The following STARD3NL variants were observed in gnomAD, a reference collection of about 807,000 sequenced individuals.
The protein encoded by STARD3NL is STARD3 N-terminal-like protein.
Under a neutral mutation model 30.9 loss-of-function variants are expected in STARD3NL, and 17 were observed. The ratio of observed to expected loss-of-function variants is 0.55; its 90% confidence interval spans 0.38 to 0.82. The LOEUF (loss-of-function observed/expected upper bound fraction) is 0.82, where lower values mean the gene tolerates loss of function less well. STARD3NL is among the 40% of genes least tolerant of loss of function. The pLI is 0.00. For missense variants in STARD3NL, 234 were observed against 277.6 expected (o/e 0.84, Z 1.12); for synonymous variants, 112 against 100.5 (o/e 1.11, Z -0.69).
intron 2 of STARD3NL, among the ~76,000 whole-genome samples, chr7:38,209,584 G>A (rs568946634): frequency 1.3e-5 from 2 of 152,036 alleles, no homozygotes; most frequent in African/African-American, 2.4e-5. Context: ...GCGCCTGGCC[G>A]GAAATGCATC....
At chr7:38,215,611 T>C (rs2116338910) in intron 4 of STARD3NL, 1 of 154,232 alleles carries the variant, frequency 6.5e-6, no homozygotes, top group African/African-American at 2.4e-5. Flanking sequence ...TTTTTACTCC[T>C]CTGTTTCCTG....
intron 7 of STARD3NL, among the ~76,000 whole-genome samples, chr7:38,226,046 G>A (rs1194194188): frequency 6.6e-6 from 1 of 151,952 alleles, no homozygotes; most frequent in African/African-American, 2.4e-5. Flanking sequence ...ATGTCTCTGA[G>A]CACTTCAACT....
intron 7 of STARD3NL, among the ~76,000 whole-genome samples, chr7:38,224,054 A>G (rs1399441852): frequency 6.6e-6 from 1 of 152,216 alleles, no homozygotes; most frequent in Admixed American, 6.5e-5. Context: ...ATGTAGTGAT[A>G]TGATACATGG....
At chr7:38,187,530 C>T (rs1301888417) in intron 1 of STARD3NL, among the ~76,000 whole-genome samples, 3 of 152,050 alleles carry the variant, frequency 2.0e-5, no homozygotes, top group African/African-American at 4.8e-5. Flanking sequence ...TACATTTTTT[C>T]GGTGCTCAAT....
intron 1 of STARD3NL, among the ~76,000 whole-genome samples, chr7:38,179,628 T>G (rs1187356982): frequency 6.6e-6 from 1 of 152,224 alleles, no homozygotes; most frequent in African/African-American, 2.4e-5. Context: ...GTGAGCAATT[T>G]AGATAAGGCC....
At chr7:38,220,330 A>C (rs529862469) in intron 7 of STARD3NL, among the ~76,000 whole-genome samples, 2 of 152,358 alleles carry the variant, frequency 1.3e-5, no homozygotes, top group East Asian at 3.9e-4. Flanking sequence ...TTTGATAGAC[A>C]TTTCTCCAAA....
intron 1 of STARD3NL, among the ~76,000 whole-genome samples, chr7:38,195,127 G>A (rs1189868146): frequency 2.6e-5 from 4 of 152,008 alleles, no homozygotes; most frequent in Non-Finnish European, 5.9e-5. Context: ...GCACAGTCTC[G>A]GCTCACTGCA....
intron 7 of STARD3NL, among the ~76,000 whole-genome samples, chr7:38,225,937 T>A (rs548680664): frequency 6.6e-6 from 1 of 152,224 alleles, no homozygotes; most frequent in African/African-American, 2.4e-5. Context: ...TTAATATTTC[T>A]CAGCCAATTT....
At position 38,225,994 on chromosome 7, in the gene STARD3NL, C is replaced by T. The variant is rs528361422; in HGVS notation, c.650-2805C>T. On this transcript the variant is annotated intron_variant, in intron 7 of 8. Coordinates refer to ENST00000009041, the MANE Select transcript of STARD3NL (RefSeq NM_032016.4). ...CTTCAAACATTTTTCTGACATTTTCCTCCTTCTGGGATTCCCATTACATGG... is the reference window on the plus strand; with the variant it reads ...CTTCAAACATTTTTCTGACATTTTCTTCCTTCTGGGATTCCCATTACATGG... Among the ~76,000 whole-genome samples, 269 of 152,220 alleles carry T rather than the reference C, an allele frequency of 1.8e-3. 1 individual carries two copies. The highest frequency in any genetic ancestry group is 6.2e-3 in the African/African-American group (257 of 41,542).
intron 2 of STARD3NL, among the ~76,000 whole-genome samples, chr7:38,209,111 T>G (rs926278148): frequency 1.2e-4 from 18 of 152,200 alleles, no homozygotes; most frequent in African/African-American, 4.3e-4. Flanking sequence ...GATTGTTAAG[T>G]TTTGTTTATA....
At chr7:38,207,769 TC>T in intron 2 of STARD3NL, 40 bp downstream of exon 2, 1 of 1,579,402 alleles carries the variant, frequency 6.3e-7, no homozygotes, top group Non-Finnish European at 8.7e-7. Context: ...AAGAAGTGTT[TC>T]CAGAGACAAC....
At chr7:38,184,785 A>G (rs1362953764) in intron 1 of STARD3NL, among the ~76,000 whole-genome samples, 3 of 144,732 alleles carry the variant, frequency 2.1e-5, no homozygotes, top group Non-Finnish European at 4.5e-5. Flanking sequence ...ATGCAACAAA[A>G]CAAGCAATAA....
At position 38,178,385 on chromosome 7, in the gene STARD3NL, C is replaced by T. The variant is rs192559360; in HGVS notation, c.-94C>T. The T allele has an allele frequency of 7.2e-5, 11 of 152,304 alleles. No homozygotes were observed. Among genetic ancestry groups the T allele is most frequent in the Admixed American group, 5.2e-4 (8 of 15,304 alleles). 9.4% of individuals were successfully genotyped at this position (152,304 alleles called of 1,614,324 possible). On this transcript the variant is annotated 5_prime_UTR_variant, in exon 1 of 9. Coordinates refer to ENST00000009041, the MANE Select transcript of STARD3NL (RefSeq NM_032016.4). ...GACCGCGGATCCGCAGTTCCCGGGC[C>T]AGCCTGGGGCGGCCGGCCAGGAACC...
chr7:38,229,036 A>T (rs1786948770), intron 8 of STARD3NL, among the ~76,000 whole-genome samples, 165 bp downstream of exon 8: 1 of 152,264 alleles, frequency 6.6e-6, no homozygotes, highest in Non-Finnish European at 1.5e-5. Context: ...GTGTCTTAAC[A>T]TTTTTTATAC....
chr7:38,184,468 A>G (rs1351536461), intron 1 of STARD3NL, among the ~76,000 whole-genome samples: 1 of 151,852 alleles, frequency 6.6e-6, no homozygotes, highest in Non-Finnish European at 1.5e-5. Context: ...CAGAAAAAAA[A>G]GCTGGAGCAG....
chr7:38,193,923 T>G (rs917246372), intron 1 of STARD3NL, among the ~76,000 whole-genome samples: 1 of 152,194 alleles, frequency 6.6e-6, no homozygotes, highest in Non-Finnish European at 1.5e-5. Context: ...AATGTCAGTA[T>G]TATCCTAGCT....
chr7:38,217,085 C>T lies in STARD3NL; in HGVS notation c.435+7C>T, dbSNP rs1254579119. ...AAAAGTGATCCTTTCGAAGGTATGG[C>T]CTACCACTTTTTCTATACAGTTACC... On this transcript the variant is annotated splice_region_variant and intron_variant, in intron 5 of 8. Coordinates refer to ENST00000009041, the MANE Select transcript of STARD3NL (RefSeq NM_032016.4). The T allele has an allele frequency of 5.0e-6, 8 of 1,613,922 alleles. No individual in the cohort carries two copies. The highest frequency in any genetic ancestry group is 6.8e-6 in the Non-Finnish European group (8 of 1,179,936).
chr7:38,207,289 C>T (rs960841594), intron 1 of STARD3NL, among the ~76,000 whole-genome samples, 158 bp from the exon 2 acceptor site: 1 of 152,196 alleles, frequency 6.6e-6, no homozygotes, highest in East Asian at 1.9e-4. Flanking sequence ...TTATGTGTTG[C>T]TTCTCATTTC....
At chr7:38,185,241 GGT>G (rs1784412347) in intron 1 of STARD3NL, among the ~76,000 whole-genome samples, 1 of 152,132 alleles carries the variant, frequency 6.6e-6, no homozygotes, top group East Asian at 1.9e-4. Context: ...AAAGGATACT[GGT>G]GATTTTTAAA....
Sources: allele counts gnomAD v4.1 joint callset (sites outside exome capture counted in the v4.1 genomes callset), GRCh38; gene constraint gnomAD v4.1.1; transcripts MANE v1.5; gene names NCBI Gene and HGNC (gene_info 2026-07-23, HGNC 2026-07-21).